The following FSHR variants were observed in gnomAD, a reference collection of about 807,000 sequenced individuals.
FSHR encodes follicle-stimulating hormone receptor.
FSHR carries 46 observed loss-of-function variants against 52.1 expected under a neutral mutation model. That is an observed-to-expected ratio of 0.88 (90% confidence interval 0.70 to 1.13). FSHR has a LOEUF of 1.13. Among genes scored for constraint, FSHR ranks in the 50% most tolerant of loss-of-function variants. The probability of loss-of-function intolerance (pLI) is 0.00; values close to 1 mark genes in which losing one functional copy is unlikely to be tolerated. For missense variants in FSHR, 964 were observed against 834.6 expected (o/e 1.16, Z -1.91); for synonymous variants, 399 against 309.6 (o/e 1.29, Z -3.03).
At chr2:49,009,166 C>T (rs375738452) in intron 4 of FSHR, among the ~76,000 whole-genome samples, 48 of 151,618 alleles carry the variant, frequency 3.2e-4, no homozygotes, top group Middle Eastern at 3.4e-3. Flanking sequence ...TTAGGTCTAA[C>T]GTTTAAGTCT....
At chr2:49,097,936 T>G (rs1266183927) in intron 1 of FSHR, among the ~76,000 whole-genome samples, 1 of 148,504 alleles carries the variant, frequency 6.7e-6, no homozygotes, top group Non-Finnish European at 1.5e-5. Context: ...ATTTATACTC[T>G]CTGCCCAAAT....
At chr2:49,045,091 T>C (rs1303389846) in intron 2 of FSHR, among the ~76,000 whole-genome samples, 1 of 151,978 alleles carries the variant, frequency 6.6e-6, no homozygotes, top group Non-Finnish European at 1.5e-5. Context: ...ATGAAAAGTG[T>C]TTTTTTTCCC....
chr2:48,966,076 A>G (rs1674465666), intron 9 of FSHR, among the ~76,000 whole-genome samples: 1 of 152,160 alleles, frequency 6.6e-6, no homozygotes, highest in African/African-American at 2.4e-5. Context: ...CAAGTTATTT[A>G]GTATCTCTGA....
intron 1 of FSHR, among the ~76,000 whole-genome samples, chr2:49,093,845 C>T (rs1670713457): frequency 6.6e-6 from 1 of 152,088 alleles, no homozygotes; most frequent in African/African-American, 2.4e-5. Flanking sequence ...GATCCATCCA[C>T]CTTGGCCTTC....
chr2:48,996,335 A>G (rs1172283663), intron 4 of FSHR, among the ~76,000 whole-genome samples: 1 of 152,078 alleles, frequency 6.6e-6, no homozygotes, highest in Non-Finnish European at 1.5e-5. Context: ...CCACAGCAGT[A>G]TGTTCTAAAA....
chr2:49,090,849 A>G lies in FSHR; in HGVS notation c.153-22559T>C, dbSNP rs112117244. 7.1e-3 allele frequency among the ~76,000 whole-genome samples: 1,081 copies of G among 152,208 alleles called. 18 individuals carry two copies. The highest frequency in any genetic ancestry group is 0.034 in the Middle Eastern group (10 of 294). On this transcript the variant is annotated intron_variant, in intron 1 of 9. Coordinates refer to ENST00000406846, the MANE Select transcript of FSHR (RefSeq NM_000145.4). ...ACACTGTGGTTTTAATTAGTTACGT[A>G]ATGGCTACATTGTTTCCTTAGTGCT...
intron 2 of FSHR, among the ~76,000 whole-genome samples, chr2:49,060,407 T>C (rs556606381): frequency 6.6e-6 from 1 of 151,958 alleles, no homozygotes; most frequent in Non-Finnish European, 1.5e-5. Flanking sequence ...AGAGAAGTCA[T>C]GCCTCTCCAG....
chr2:49,022,776 C>T (rs1180435436), intron 2 of FSHR, among the ~76,000 whole-genome samples: 2 of 152,118 alleles, frequency 1.3e-5, no homozygotes. Context: ...CAAGTCTTTT[C>T]CAGAACAGTG....
At position 48,963,367 on chromosome 2, in the gene FSHR, T is replaced by C. The variant is rs775216471; in HGVS notation, c.1454A>G (p.His485Arg). The C allele has an allele frequency of 4.3e-6, 7 of 1,614,062 alleles. No homozygotes were observed. The highest frequency in any genetic ancestry group is 5.9e-6 in the Non-Finnish European group (7 of 1,179,994). The change falls in exon 10 of 10, where the codon CAT (histidine) becomes CGT (arginine). Residue 485 changes from histidine to arginine, a missense_variant. Coordinates refer to ENST00000406846, the MANE Select transcript of FSHR (RefSeq NM_000145.4). ...MQLDCKVQLR[H>R]AASVMVMGWI... Reference sequence around the variant, plus strand: ...GCCCATCACCATGACACTGGCAGCATGGCGGAGCTGCACCTTGCAGTCCAG... The same window carrying C: ...GCCCATCACCATGACACTGGCAGCACGGCGGAGCTGCACCTTGCAGTCCAG...
At chr2:49,148,324 A>G (rs945923233) in intron 1 of FSHR, among the ~76,000 whole-genome samples, 2 of 152,006 alleles carry the variant, frequency 1.3e-5, no homozygotes, top group Non-Finnish European at 2.9e-5. Flanking sequence ...TTCTTAAAAC[A>G]AACACATAAA....
intron 8 of FSHR, among the ~76,000 whole-genome samples, chr2:48,975,022 A>G (rs886271017): frequency 6.6e-6 from 1 of 152,190 alleles, no homozygotes; most frequent in African/African-American, 2.4e-5. Context: ...GACATCAGTT[A>G]TTCACATCTT....
chr2:49,126,328 G>C (rs1265777708), intron 1 of FSHR, among the ~76,000 whole-genome samples: 1 of 149,734 alleles, frequency 6.7e-6, no homozygotes, highest in Non-Finnish European at 1.5e-5. Flanking sequence ...AGGAAGAGGG[G>C]GGGAGAGAGA....
rs760351580 is a variant in FSHR, at chr2:48,962,757, A to C, written c.2064T>G (p.Pro688=). The C allele has an allele frequency of 5.6e-6, 9 of 1,613,882 alleles. No individual in the cohort carries two copies. The Admixed American group carries it at 1.5e-4, about 27-fold the overall frequency. ...VTSGSTYILV[P]LSHLAQN ...TTTAGTTTTGGGCTAAATGACTTAG[A>C]GGGACAAGTATGTAAGTGGAACCAC... is the stretch of plus-strand genomic sequence containing the variant. Residue 688 remains proline (P), a synonymous_variant, in exon 10 of 10, where the codon CCT becomes CCG. Transcript: ENST00000406846.
intron 4 of FSHR, among the ~76,000 whole-genome samples, chr2:49,016,086 G>T (rs1282544394): frequency 6.6e-6 from 1 of 152,078 alleles, no homozygotes; most frequent in Non-Finnish European, 1.5e-5. Context: ...GAGAGCTAAG[G>T]CACATGATGG....
chr2:49,149,888 C>A (rs536818750), intron 1 of FSHR, among the ~76,000 whole-genome samples: 1 of 152,150 alleles, frequency 6.6e-6, no homozygotes, highest in Non-Finnish European at 1.5e-5. Flanking sequence ...TTAACACAGG[C>A]AGCCTATAAT....
At chr2:49,019,156 C>A (rs1667603761) in intron 3 of FSHR, among the ~76,000 whole-genome samples, 1 of 152,176 alleles carries the variant, frequency 6.6e-6, no homozygotes, top group African/African-American at 2.4e-5. Flanking sequence ...GACAAACACA[C>A]AATATCCTTC....
chr2:49,150,631 T>C lies in FSHR; in HGVS notation c.152+3635A>G, dbSNP rs982249078. ...CTAAAATTTAATGGAACATCCTGGGTTTAAACTCAGGTCTCTCAGATTCTA... is the reference window on the plus strand; with the variant it reads ...CTAAAATTTAATGGAACATCCTGGGCTTAAACTCAGGTCTCTCAGATTCTA... On this transcript the variant is annotated intron_variant, in intron 1 of 9. Transcript: ENST00000406846. Among the ~76,000 whole-genome samples, 7 of 152,116 alleles carry C rather than the reference T, an allele frequency of 4.6e-5. No individual in the cohort carries two copies. The South Asian group carries it at 1.5e-3, about 32-fold the overall frequency.
intron 1 of FSHR, among the ~76,000 whole-genome samples, chr2:49,116,140 T>G (rs1671590562): frequency 6.6e-6 from 1 of 152,264 alleles, no homozygotes; most frequent in African/African-American, 2.4e-5. Context: ...GTGAGGAATT[T>G]GTGACAACTG....
At chr2:49,129,291 C>T (rs1372549535) in intron 1 of FSHR, among the ~76,000 whole-genome samples, 1 of 152,110 alleles carries the variant, frequency 6.6e-6, no homozygotes, top group Non-Finnish European at 1.5e-5. Flanking sequence ...CCTCCCTGCC[C>T]TCACAGCCAG....
Sources: allele counts gnomAD v4.1 joint callset (sites outside exome capture counted in the v4.1 genomes callset), GRCh38; gene constraint gnomAD v4.1.1; transcripts MANE v1.5; gene names NCBI Gene and HGNC (gene_info 2026-07-23, HGNC 2026-07-21).